FAT3: variants seen among roughly 807,000 people sequenced by gnomAD.
The protein encoded by FAT3 is FAT atypical cadherin 3.
FAT3 carries 95 observed loss-of-function variants against 310.2 expected under a neutral mutation model. The observed-to-expected ratio is 0.31, with a 90% CI of 0.26 to 0.36. The LOEUF (loss-of-function observed/expected upper bound fraction) is 0.36. FAT3 is among the 10% of genes least tolerant of loss of function. FAT3 has a pLI of 1.00. For synonymous variants in FAT3, 2,314 were observed against 2,192.9 expected (o/e 1.06, Z -1.54); for missense variants, 5,408 against 5,715.6 (o/e 0.95, Z 1.74).
intron 13 of FAT3, among the ~76,000 whole-genome samples, chr11:92,811,753 CAG>C (rs1248495631): frequency 6.6e-6 from 1 of 152,102 alleles, no homozygotes; most frequent in African/African-American, 2.4e-5. Flanking sequence ...CAAATAGAGA[CAG>C]AGATTATAGG....
chr11:92,599,500 A>G (rs942861685), intron 3 of FAT3, among the ~76,000 whole-genome samples: 2 of 152,174 alleles, frequency 1.3e-5, no homozygotes, highest in Non-Finnish European at 2.9e-5. Context: ...GACACAGCCA[A>G]ACCATATCAG....
In FAT3 at chr11:92,523,837, C is replaced by A. The variant is rs112052849; in HGVS notation, c.3293-797C>A. 8.5e-3 allele frequency among the ~76,000 whole-genome samples: 1,295 copies of A among 152,200 alleles called. 19 individuals carry two copies. The highest frequency in any genetic ancestry group is 0.027 in the African/African-American group (1,134 of 41,516). Reference sequence around the variant, plus strand: ...GACAAGAGCACTGTGTTTTCTCTGGCTTTTTAGGCAGACATCTGATTTCCT... The same window carrying A: ...GACAAGAGCACTGTGTTTTCTCTGGATTTTTAGGCAGACATCTGATTTCCT... On this transcript the variant is annotated intron_variant, in intron 2 of 27. Coordinates refer to ENST00000525166, the MANE Select transcript of FAT3 (RefSeq NM_001367949.2).
At position 92,840,556 on chromosome 11, in the gene FAT3, A is replaced by T; in HGVS notation, c.10369-6A>T. 6.3e-7 allele frequency: 1 copy of T among 1,580,014 alleles called. No individual in the cohort carries two copies. Among genetic ancestry groups the T allele is most frequent in the Non-Finnish European group, 8.7e-7 (1 of 1,154,868 alleles). ...CTTCATTTTTACTATATACTCTTTT[A>T]TGCAGGAAAATAAGCCAGTGGGCAC... is the stretch of plus-strand genomic sequence containing the variant. On this transcript the variant is annotated splice_polypyrimidine_tract_variant and splice_region_variant and intron_variant, in intron 17 of 27. Coordinates refer to ENST00000525166, the MANE Select transcript of FAT3 (RefSeq NM_001367949.2).
chr11:92,573,050 A>C (rs1401216778), intron 3 of FAT3, among the ~76,000 whole-genome samples: 1 of 152,172 alleles, frequency 6.6e-6, no homozygotes, highest in Non-Finnish European at 1.5e-5. Flanking sequence ...TATTTTCTTT[A>C]ATTTTTCTCC....
chr11:92,781,807 A>G (rs1260071052), intron 7 of FAT3, among the ~76,000 whole-genome samples: 3 of 135,842 alleles, frequency 2.2e-5, no homozygotes. Context: ...AATCTGTGAT[A>G]TGCTAGACAC....
At chr11:92,869,204 T>C (rs1949323573) in intron 22 of FAT3, among the ~76,000 whole-genome samples, 1 of 152,232 alleles carries the variant, frequency 6.6e-6, no homozygotes, top group Non-Finnish European at 1.5e-5. Flanking sequence ...ATCTACACAG[T>C]TCCCTTCTCA....
intron 18 of FAT3, among the ~76,000 whole-genome samples, chr11:92,843,514 G>T (rs1948598224): frequency 6.6e-6 from 1 of 152,174 alleles, no homozygotes; most frequent in African/African-American, 2.4e-5. Flanking sequence ...TATGCAGAAA[G>T]GTGCTATCTG....
chr11:92,785,620 T>G (rs1272205213), intron 7 of FAT3, among the ~76,000 whole-genome samples: 3 of 151,942 alleles, frequency 2.0e-5, no homozygotes, highest in Non-Finnish European at 4.4e-5. Flanking sequence ...CTATTTAGGG[T>G]AGTACATATA....
chr11:92,855,942 T>C (rs990608598), intron 19 of FAT3, among the ~76,000 whole-genome samples: 3 of 152,092 alleles, frequency 2.0e-5, no homozygotes, highest in Non-Finnish European at 4.4e-5. Context: ...TCCTGCTTTC[T>C]TCTGCACAAA....
rs1012397377 is a variant in FAT3, at chr11:92,882,997, C to A, written c.12541C>A (p.Arg4181Ser). ...LFIVFRKKVF[R>S]KNYSRNNITL... ...CATAGTCTTCCGCAAGAAGGTCTTCCGCAAGAACTACTCCCGCAACAACAT... is the reference window on the plus strand; with the variant it reads ...CATAGTCTTCCGCAAGAAGGTCTTCAGCAAGAACTACTCCCGCAACAACAT... The change falls in exon 24 of 28, where the codon CGC becomes AGC. Residue 4181 changes from arginine to serine, a missense_variant. This residue lies in a region of FAT3 where 649 missense variants were observed against 666.2 expected (regional missense o/e 0.97). Transcript: ENST00000525166. 1 of 1,613,924 alleles carries A rather than the reference C, an allele frequency of 6.2e-7. No individual in the cohort carries two copies. The highest frequency in any genetic ancestry group is 8.5e-7 in the Non-Finnish European group (1 of 1,179,902).
intron 23 of FAT3, 97 bp downstream of exon 23, chr11:92,880,981 A>T: frequency 7.4e-7 from 1 of 1,347,150 alleles, no homozygotes; most frequent in Non-Finnish European, 1.0e-6. Flanking sequence ...TACCACTAAT[A>T]GTACAGGCAA....
chr11:92,503,963 AT>A (rs1953024771), intron 2 of FAT3, among the ~76,000 whole-genome samples: 1 of 152,148 alleles, frequency 6.6e-6, no homozygotes, highest in African/African-American at 2.4e-5. Context: ...GGAGAGGCAC[AT>A]TTTATGAATC....
chr11:92,817,916 T>C (rs1016310204), intron 13 of FAT3, among the ~76,000 whole-genome samples: 2 of 152,148 alleles, frequency 1.3e-5, no homozygotes, highest in African/African-American at 2.4e-5. Context: ...AAGAAAAGCT[T>C]GGAGGTGACA....
At chr11:92,230,575 T>G (rs953974209) in intron 1 of FAT3, among the ~76,000 whole-genome samples, 4 of 152,250 alleles carry the variant, frequency 2.6e-5, no homozygotes, top group Non-Finnish European at 4.4e-5. Context: ...ATTAGAGGCA[T>G]GAGCCACCGT....
chr11:92,346,517 G>C (rs1234009673), intron 1 of FAT3, among the ~76,000 whole-genome samples: 2 of 151,992 alleles, frequency 1.3e-5, no homozygotes. Flanking sequence ...TATTAGGTGT[G>C]GTCCCTCTCT....
At chr11:92,635,704 G>C (rs561733089) in intron 3 of FAT3, among the ~76,000 whole-genome samples, 17 of 152,302 alleles carry the variant, frequency 1.1e-4, no homozygotes, top group African/African-American at 3.8e-4. Flanking sequence ...ATTTAACTCA[G>C]CTAGCACTGA....
At chr11:92,425,319 A>C (rs1393086480) in intron 2 of FAT3, among the ~76,000 whole-genome samples, 1 of 151,960 alleles carries the variant, frequency 6.6e-6, no homozygotes, top group African/African-American at 2.4e-5. Context: ...AAGATCAGCA[A>C]ACCCTGAAGA....
intron 1 of FAT3, among the ~76,000 whole-genome samples, chr11:92,332,709 G>A (rs1386727907): frequency 6.6e-6 from 1 of 151,960 alleles, no homozygotes; most frequent in Non-Finnish European, 1.5e-5. Context: ...TTTATTGTGA[G>A]AATAAAATAA....
At chr11:92,238,800 G>GA (rs1234003136) in intron 1 of FAT3, among the ~76,000 whole-genome samples, 1 of 151,782 alleles carries the variant, frequency 6.6e-6, no homozygotes, top group Non-Finnish European at 1.5e-5. Context: ...GGAAACTTGA[G>GA]AAAAAAAGAA....
Sources: allele counts gnomAD v4.1 joint callset (sites outside exome capture counted in the v4.1 genomes callset), GRCh38; gene constraint gnomAD v4.1.1; regional missense constraint gnomAD v4.1.1; transcripts MANE v1.5; gene names NCBI Gene and HGNC (gene_info 2026-07-23, HGNC 2026-07-21).